The following ABI3BP variants were observed in gnomAD, a reference collection of about 807,000 sequenced individuals.
ABI3BP encodes the protein ABI family member 3 binding protein.
A neutral mutation model predicts 268.6 loss-of-function variants in ABI3BP; 216 were observed. The observed-to-expected ratio is 0.80, with a 90% CI of 0.72 to 0.90. The LOEUF (loss-of-function observed/expected upper bound fraction) is 0.90. Ranked by LOEUF, ABI3BP falls within the 40% of genes least tolerant of loss-of-function variation. The probability of loss-of-function intolerance (pLI) is 0.00; values close to 1 mark genes in which losing one functional copy is unlikely to be tolerated. For missense variants in ABI3BP, 2,090 were observed against 2,182.4 expected, an observed-to-expected ratio of 0.96 and a Z score of 0.84; for synonymous variants, 730 against 730.0, an observed-to-expected ratio of 1.00 and a Z score of 0.00.
intron 5 of ABI3BP, 97 bp downstream of exon 5, chr3:100,886,045 T>A: frequency 1.1e-6 from 1 of 900,648 alleles, no homozygotes; most frequent in Middle Eastern, 3.6e-4. Context: ...AGGAATTAGC[T>A]TATTTCATAT....
At chr3:100,867,206 GA>G (rs928431038) in intron 9 of ABI3BP, among the ~76,000 whole-genome samples, 3 of 148,462 alleles carry the variant, frequency 2.0e-5, no homozygotes, top group Non-Finnish European at 4.5e-5. Flanking sequence ...TTGAAATGAA[GA>G]AAAAAAATCA....
intron 47 of ABI3BP, 108 bp from the exon 48 acceptor site, chr3:100,811,385 A>C: frequency 7.5e-6 from 6 of 799,886 alleles, no homozygotes; most frequent in Non-Finnish European, 9.7e-6. Context: ...TTTTACAGAC[A>C]GGACAATGGA....
chr3:100,863,178 T>C, intron 12 of ABI3BP: 1 of 372,746 alleles, frequency 2.7e-6, no homozygotes, highest in Non-Finnish European at 4.8e-6. Context: ...TTTCTTCAGC[T>C]ATGTTTATGT....
chr3:100,874,332 C>T (rs965091343), intron 9 of ABI3BP, among the ~76,000 whole-genome samples: 2 of 152,182 alleles, frequency 1.3e-5, no homozygotes, highest in Non-Finnish European at 2.9e-5. Context: ...AGCCCAGTGA[C>T]CTCCACATTT....
chr3:100,969,333 T>C (rs2082565531), intron 1 of ABI3BP, among the ~76,000 whole-genome samples: 1 of 152,182 alleles, frequency 6.6e-6, no homozygotes, highest in Admixed American at 6.5e-5. Context: ...TGTAGGGCTC[T>C]AGAGCTAGCC....
chr3:100,936,585 G>A lies in ABI3BP; in HGVS notation c.80-10104C>T, dbSNP rs1032211794. Among the ~76,000 whole-genome samples the A allele has an allele frequency of 5.3e-5, 8 of 151,946 alleles. No individual in the cohort carries two copies. The East Asian group carries it at 1.2e-3, about 22-fold the overall frequency. On this transcript the variant is annotated intron_variant, in intron 1 of 67. Transcript: ENST00000471714. ...CCTCTTTGTACCTCTGGTAGAATTC[G>A]GCTGTGAATCTGTCTGGTCCTGGAC...
At chr3:100,933,961 G>A (rs182902399) in intron 1 of ABI3BP, among the ~76,000 whole-genome samples, 1 of 151,778 alleles carries the variant, frequency 6.6e-6, no homozygotes, top group East Asian at 1.9e-4. Context: ...CCAATAGAGT[G>A]ATTTTCTTTG....
At chr3:100,881,753 T>C (rs1280248111) in intron 6 of ABI3BP, among the ~76,000 whole-genome samples, 8 of 152,186 alleles carry the variant, frequency 5.3e-5, no homozygotes, top group Admixed American at 1.3e-4. Context: ...ATTTATTTTA[T>C]ATAGAAAGAA....
rs543828658 is a variant in ABI3BP, at chr3:100,754,694, G to A, written c.4851-3C>T. 5.1e-5 allele frequency: 81 copies of A among 1,575,120 alleles called. No homozygotes were observed. The highest frequency in any genetic ancestry group is 8.6e-7 in the Non-Finnish European group (1 of 1,158,564). On this transcript the variant is annotated splice_region_variant and splice_polypyrimidine_tract_variant and intron_variant, in intron 63 of 67. Transcript: ENST00000471714. ...TGGGTTTCACCTGGAATTCATAACT[G>A]TTTAGGGGAAAATAAAAAAATACTT...
chr3:100,873,636 T>TA (rs35759326), intron 9 of ABI3BP, among the ~76,000 whole-genome samples: 2 of 152,166 alleles, frequency 1.3e-5, no homozygotes, highest in Non-Finnish European at 2.9e-5. Context: ...TTTCTTGAAA[T>TA]AAAAAATATT....
intron 4 of ABI3BP, among the ~76,000 whole-genome samples, chr3:100,893,081 C>T (rs1171088485): frequency 6.6e-6 from 1 of 152,158 alleles, no homozygotes; most frequent in Non-Finnish European, 1.5e-5. Flanking sequence ...ATAAAGCAGG[C>T]AAAAGAAGTT....
At chr3:100,821,023 AC>A in intron 39 of ABI3BP, 30 bp downstream of exon 39, 1 of 1,519,394 alleles carries the variant, frequency 6.6e-7, no homozygotes, top group South Asian at 1.2e-5. Context: ...AGAAGGAAGA[AC>A]ACTTAATGAG....
chr3:100,863,328 T>G (rs905612781), intron 12 of ABI3BP: 24 of 159,400 alleles, frequency 1.5e-4, no homozygotes, highest in Admixed American at 4.5e-4. Context: ...ACCTCTTTTT[T>G]TTTTTTGAGA....
At position 100,791,686 on chromosome 3, in the gene ABI3BP, G is replaced by A. The variant is rs574759153; in HGVS notation, c.4024+1005C>T. ...TAACAGCAAATAAAAATTAAATGAA[G>A]TAATTGAATAAAAGTTTAAAACGTA... On this transcript the variant is annotated intron_variant, in intron 55 of 67. Coordinates refer to ENST00000471714, the MANE Select transcript of ABI3BP (RefSeq NM_001375547.2). 2.0e-5 allele frequency among the ~76,000 whole-genome samples: 3 copies of A among 151,756 alleles called. No homozygotes were observed. The East Asian group carries it at 5.8e-4, about 29-fold the overall frequency.
intron 1 of ABI3BP, among the ~76,000 whole-genome samples, chr3:100,927,828 G>A (rs1419457730): frequency 1.3e-5 from 2 of 152,024 alleles, no homozygotes; most frequent in Non-Finnish European, 2.9e-5. Context: ...ATCAGTTAAT[G>A]TAAATGGCAC....
intron 4 of ABI3BP, among the ~76,000 whole-genome samples, chr3:100,888,056 T>G (rs370432329): frequency 6.6e-5 from 10 of 152,062 alleles, no homozygotes; most frequent in African/African-American, 2.4e-4. Flanking sequence ...AGAGATGAGA[T>G]GCATTTGTAT....
chr3:100,842,832 A>G lies in ABI3BP; in HGVS notation c.1724-793T>C, dbSNP rs1400523857. On this transcript the variant is annotated intron_variant, in intron 20 of 67. Coordinates refer to ENST00000471714, the MANE Select transcript of ABI3BP (RefSeq NM_001375547.2). ...TCAACAAAAAGTATTGTTTAAGGAG[A>G]AAATTAAAAAGGAATTGTTTATTTT... 2.0e-5 allele frequency among the ~76,000 whole-genome samples: 3 copies of G among 152,360 alleles called. No homozygotes were observed. In the East Asian group the frequency reaches 5.8e-4, roughly 29 times the overall value.
chr3:100,989,003 A>C (rs2153986754), intron 1 of ABI3BP, among the ~76,000 whole-genome samples: 1 of 152,298 alleles, frequency 6.6e-6, no homozygotes, highest in South Asian at 2.1e-4. Flanking sequence ...TCCCTCCAAA[A>C]TTCAGGTGTT....
chr3:100,911,778 C>T, intron 2 of ABI3BP: 3 of 1,117,702 alleles, frequency 2.7e-6, no homozygotes, highest in Non-Finnish European at 4.1e-6. Context: ...TGTTATTATA[C>T]TTGGTGTTAA....
Sources: gnomAD v4.1 joint callset for allele counts (sites outside exome capture counted in the v4.1 genomes callset) on GRCh38, gnomAD v4.1.1 for gene constraint, MANE v1.5 for transcripts, NCBI Gene and HGNC (gene_info 2026-07-23, HGNC 2026-07-21) for gene names.